Variants in MAF observed in about 807,000 individuals in gnomAD.
The protein encoded by MAF is transcription factor Maf.
A neutral mutation model predicts 22.0 loss-of-function variants in MAF; 10 were observed. The observed-to-expected ratio is 0.45, with a 90% CI of 0.28 to 0.77. The LOEUF (loss-of-function observed/expected upper bound fraction) is 0.77, where lower values mean the gene tolerates loss of function less well. Among genes scored for constraint, MAF ranks in the 30% least tolerant of loss-of-function variants. MAF has a pLI of 0.12. For synonymous variants in MAF, 337 were observed against 255.8 expected (o/e 1.32, Z -3.03); for missense variants, 544 against 548.4 (o/e 0.99, Z 0.08).
the MAF span, among the ~76,000 whole-genome samples, chr16:79,494,424 T>C: frequency 1.3e-5 from 2 of 152,076 alleles, no homozygotes; most frequent in Admixed American, 6.6e-5. Context: ...GCTTCCTATA[T>C]CTCAGAAGTA....
chr16:79,238,610 TG>T, the MAF span, among the ~76,000 whole-genome samples: 1 of 151,970 alleles, frequency 6.6e-6, no homozygotes, highest in Non-Finnish European at 1.5e-5. Context: ...TCTCTGGAAA[TG>T]GGAATGAGGT....
chr16:79,508,818 T>G, the MAF span, among the ~76,000 whole-genome samples: 1 of 152,016 alleles, frequency 6.6e-6, no homozygotes, highest in Non-Finnish European at 1.5e-5. Context: ...AAGAGGCAAA[T>G]CCATAGAGAC....
At chr16:79,277,415 G>A in the MAF span, among the ~76,000 whole-genome samples, 1 of 152,016 alleles carries the variant, frequency 6.6e-6, no homozygotes, top group African/African-American at 2.4e-5. Context: ...GCAATGCCTG[G>A]GTCAACCCAT....
At chr16:79,522,820 A>G in the MAF span, among the ~76,000 whole-genome samples, 454 of 152,332 alleles carry the variant, frequency 3.0e-3, 4 homozygotes, top group African/African-American at 0.01. Context: ...TTAATGGATT[A>G]AGGCTGTAAA....
At chr16:79,530,444 T>C in the MAF span, among the ~76,000 whole-genome samples, 1 of 152,214 alleles carries the variant, frequency 6.6e-6, no homozygotes, top group African/African-American at 2.4e-5. Context: ...ACTCCATTTT[T>C]TTCTCAGGGG....
At chr16:79,559,117 T>C in the MAF span, among the ~76,000 whole-genome samples, 1 of 152,162 alleles carries the variant, frequency 6.6e-6, no homozygotes, top group Admixed American at 6.5e-5. Flanking sequence ...TACACCAGTG[T>C]TGAGCCTGAG....
chr16:79,427,874 A>C, the MAF span, among the ~76,000 whole-genome samples: 11 of 152,284 alleles, frequency 7.2e-5, no homozygotes, highest in South Asian at 6.2e-4. Flanking sequence ...TCCAGGACTT[A>C]GACTTCAATG....
the MAF span, among the ~76,000 whole-genome samples, chr16:79,468,082 A>T: frequency 1.3e-5 from 2 of 152,142 alleles, no homozygotes; most frequent in Admixed American, 6.5e-5. Context: ...TCATGCATAA[A>T]TCTCAGGTAA....
At chr16:79,519,794 C>A in the MAF span, among the ~76,000 whole-genome samples, 1 of 152,242 alleles carries the variant, frequency 6.6e-6, no homozygotes, top group Non-Finnish European at 1.5e-5. Flanking sequence ...GTGTTCACAG[C>A]GCAGGTAGCC....
At chr16:79,511,328 T>C in the MAF span, among the ~76,000 whole-genome samples, 1 of 152,108 alleles carries the variant, frequency 6.6e-6, no homozygotes, top group African/African-American at 2.4e-5. Context: ...TTTAAAATAC[T>C]AGTATTTGTG....
chr16:79,494,892 G>T, the MAF span, among the ~76,000 whole-genome samples: 1 of 152,058 alleles, frequency 6.6e-6, no homozygotes, highest in African/African-American at 2.4e-5. Context: ...AATTTGCTAG[G>T]GTGCCTCACA....
chr16:79,428,573 C>G, the MAF span, among the ~76,000 whole-genome samples: 1 of 152,090 alleles, frequency 6.6e-6, no homozygotes, highest in African/African-American at 2.4e-5. Context: ...GGTGCAGTGG[C>G]TCACACCTGT....
At chr16:79,341,097 T>C in the MAF span, among the ~76,000 whole-genome samples, 2 of 152,136 alleles carry the variant, frequency 1.3e-5, no homozygotes, top group Non-Finnish European at 2.9e-5. Context: ...CCAGGTGTGA[T>C]GGAGCAGAGT....
chr16:79,341,583 A>AT, the MAF span, among the ~76,000 whole-genome samples: 2 of 152,230 alleles, frequency 1.3e-5, no homozygotes, highest in East Asian at 3.8e-4. Flanking sequence ...GAGTGACTAT[A>AT]TAGTTCAGCA....
At chr16:79,322,975 C>T in the MAF span, among the ~76,000 whole-genome samples, 2 of 150,824 alleles carry the variant, frequency 1.3e-5, no homozygotes, top group African/African-American at 2.4e-5. Context: ...ACGATGAAAC[C>T]CCATCTCTAC....
downstream of MAF, among the ~76,000 whole-genome samples, chr16:79,589,517 A>T (rs971385804): frequency 6.6e-6 from 1 of 152,228 alleles, no homozygotes; most frequent in Non-Finnish European, 1.5e-5. Flanking sequence ...AAAATCTGGA[A>T]AATGGGCCGG....
the MAF span, among the ~76,000 whole-genome samples, chr16:79,237,116 A>C: frequency 3.0e-3 from 457 of 152,162 alleles, 11 homozygotes; most frequent in Admixed American, 0.023. Context: ...GTTTTCAAAG[A>C]TTTCCAAATA....
chr16:79,598,108 T>C, intron 1 of MAF: 1 of 1,045,914 alleles, frequency 9.6e-7, no homozygotes, highest in Non-Finnish European at 1.2e-6. Flanking sequence ...CACATTTTTT[T>C]TTCCTTTGCA....
the MAF span, among the ~76,000 whole-genome samples, chr16:79,215,038 G>C: frequency 6.6e-6 from 1 of 152,056 alleles, no homozygotes; most frequent in Non-Finnish European, 1.5e-5. Flanking sequence ...TATGACTACA[G>C]TCTTGCCAGT....
Sources: gnomAD v4.1 joint callset for allele counts (sites outside exome capture counted in the v4.1 genomes callset) on GRCh38, gnomAD v4.1.1 for gene constraint, MANE v1.5 for transcripts, NCBI Gene and HGNC (gene_info 2026-07-23, HGNC 2026-07-21) for gene names.